The following STK33 variants were observed in gnomAD, a reference collection of about 807,000 sequenced individuals.
STK33 encodes serine/threonine-protein kinase 33.
A neutral mutation model predicts 58.0 loss-of-function variants in STK33; 52 were observed. The observed-to-expected ratio is 0.90, with a 90% CI of 0.72 to 1.13. The LOEUF (loss-of-function observed/expected upper bound fraction) is 1.13. Ranked by LOEUF, STK33 falls within the 50% of genes most tolerant of loss-of-function variation. STK33 has a pLI of 0.00. For missense variants in STK33, 630 were observed against 604.2 expected (o/e 1.04, Z -0.45); for synonymous variants, 215 against 200.1 (o/e 1.07, Z -0.63).
chr11:8,451,753 A>C (rs185379540), intron 11 of STK33, among the ~76,000 whole-genome samples: 497 of 152,326 alleles, frequency 3.3e-3, no homozygotes, highest in Middle Eastern at 6.8e-3. Context: ...CCTACATTGT[A>C]AAGGATGCAC....
chr11:8,457,377 T>G lies in STK33; in HGVS notation c.661A>C (p.Ser221Arg), dbSNP rs765827790. 12 of 1,606,152 alleles carry G rather than the reference T, an allele frequency of 7.5e-6. No homozygotes were observed. The Admixed American group carries it at 2.0e-4, about 27-fold the overall frequency. Residue 221 changes from serine (S) to arginine (R), a missense_variant, in exon 9 of 16, where the codon AGT becomes CGT. Coordinates refer to ENST00000687296, the MANE Select transcript of STK33 (RefSeq NM_001352389.2). ...AGATATGCTATAGCTGATGCGAGAC[T>G]TTGAATGATCCACCTTGTCTCATTC... Reference protein sequence around the residue: ...SENETRWIIQSLASAIAYLHN... With the variant: ...SENETRWIIQRLASAIAYLHN...
At chr11:8,401,199 C>A (rs1310251444) in intron 15 of STK33, among the ~76,000 whole-genome samples, 1 of 152,090 alleles carries the variant, frequency 6.6e-6, no homozygotes, top group South Asian at 2.1e-4. Flanking sequence ...GGAGGCATCA[C>A]GCTACCTGAC....
intron 1 of STK33, among the ~76,000 whole-genome samples, chr11:8,543,844 T>C (rs1376743722): frequency 6.6e-6 from 1 of 152,104 alleles, no homozygotes; most frequent in Non-Finnish European, 1.5e-5. Context: ...TATCAAAATA[T>C]CTCATGGACC....
At chr11:8,369,295 C>CTGTGTGTGTGTGTGTGTG in the STK33 span, among the ~76,000 whole-genome samples, 152 of 137,738 alleles carry the variant, frequency 1.1e-3, no homozygotes, top group African/African-American at 2.6e-3. Context: ...GGTTTTTACT[C>CTGTGTGTGTGTGTGTGTG]TGTGTGTGTG....
At chr11:8,437,580 G>A (rs1250501355) in intron 12 of STK33, among the ~76,000 whole-genome samples, 1 of 151,972 alleles carries the variant, frequency 6.6e-6, no homozygotes, top group East Asian at 1.9e-4. Context: ...CCAAACTGCT[G>A]GTCTACACTG....
intron 10 of STK33, among the ~76,000 whole-genome samples, chr11:8,453,695 TATTG>T (rs1372504559): frequency 6.6e-6 from 1 of 152,246 alleles, no homozygotes; most frequent in Admixed American, 6.5e-5. Context: ...CAGACACATT[TATTG>T]ATTAAGTAAC....
chr11:8,509,264 G>C (rs12281285), intron 1 of STK33, among the ~76,000 whole-genome samples: 13,679 of 152,074 alleles, frequency 0.09, 1,411 homozygotes, highest in African/African-American at 0.26. Context: ...TCTACAGGAA[G>C]AGACATTTTA....
chr11:8,549,624 G>C (rs950362640), intron 1 of STK33, among the ~76,000 whole-genome samples: 2 of 152,020 alleles, frequency 1.3e-5, no homozygotes, highest in Non-Finnish European at 2.9e-5. Flanking sequence ...CCTGAGCTTT[G>C]TTGGGGAACT....
chr11:8,429,942 T>C (rs1465703277), intron 14 of STK33, among the ~76,000 whole-genome samples: 1 of 152,176 alleles, frequency 6.6e-6, no homozygotes, highest in Admixed American at 6.5e-5. Context: ...ATTCGAGTTC[T>C]TCCCTCAGAA....
At chr11:8,344,264 TCTAG>T in the STK33 span, among the ~76,000 whole-genome samples, 1 of 150,396 alleles carries the variant, frequency 6.6e-6, no homozygotes, top group Non-Finnish European at 1.5e-5. Context: ...CACCTGTAGT[TCTAG>T]CTACTCAGGA....
At chr11:8,463,856 A>G (rs940010130) in intron 7 of STK33, among the ~76,000 whole-genome samples, 1 of 152,178 alleles carries the variant, frequency 6.6e-6, no homozygotes, top group Non-Finnish European at 1.5e-5. Context: ...GAGAAAAGGA[A>G]ATAACACCTT....
At chr11:8,377,064 G>A in the STK33 span, among the ~76,000 whole-genome samples, 1 of 152,118 alleles carries the variant, frequency 6.6e-6, no homozygotes, top group African/African-American at 2.4e-5. Flanking sequence ...GCCCATGTTG[G>A]TCCATTTATC....
intron 1 of STK33, among the ~76,000 whole-genome samples, chr11:8,536,335 A>G (rs1954997860): frequency 6.6e-6 from 1 of 152,194 alleles, no homozygotes; most frequent in Non-Finnish European, 1.5e-5. Flanking sequence ...TTTTTAAAAG[A>G]ACATGAATTT....
downstream of STK33, among the ~76,000 whole-genome samples, chr11:8,390,185 T>A (rs60360224): frequency 0.013 from 1,960 of 152,308 alleles, 46 homozygotes; most frequent in African/African-American, 0.046. Context: ...TGCATTCCTC[T>A]CTTTTTATCA....
At chr11:8,491,862 G>C (rs1237084433) in intron 1 of STK33, among the ~76,000 whole-genome samples, 1 of 152,048 alleles carries the variant, frequency 6.6e-6, no homozygotes, top group Non-Finnish European at 1.5e-5. Flanking sequence ...CAAGTGAAGA[G>C]GAAATAAAAT....
intron 1 of STK33, among the ~76,000 whole-genome samples, chr11:8,577,176 T>A (rs1031202497): frequency 6.6e-6 from 1 of 152,150 alleles, no homozygotes; most frequent in Non-Finnish European, 1.5e-5. Flanking sequence ...TATCACTCTT[T>A]TACATTCAAT....
intron 1 of STK33, among the ~76,000 whole-genome samples, chr11:8,553,196 A>C (rs1281115499): frequency 1.5e-5 from 1 of 66,404 alleles, no homozygotes; most frequent in Admixed American, 1.7e-4. Flanking sequence ...ATATATATAT[A>C]TGGTGTATAT....
At chr11:8,354,241 G>A in the STK33 span, among the ~76,000 whole-genome samples, 1 of 151,918 alleles carries the variant, frequency 6.6e-6, no homozygotes. Flanking sequence ...ACCCCTGCCA[G>A]GCCCGGCCGG....
At chr11:8,448,570 G>T (rs185624080) in intron 11 of STK33, among the ~76,000 whole-genome samples, 48 of 152,226 alleles carry the variant, frequency 3.2e-4, no homozygotes, top group Non-Finnish European at 5.9e-4. Context: ...TGGGAAAACT[G>T]GCTAGCCATA....
Sources: gnomAD v4.1 joint callset for allele counts (sites outside exome capture counted in the v4.1 genomes callset) on GRCh38, gnomAD v4.1.1 for gene constraint, MANE v1.5 for transcripts, NCBI Gene and HGNC (gene_info 2026-07-23, HGNC 2026-07-21) for gene names.